The following NEK3 variants were observed in gnomAD, a reference collection of about 807,000 sequenced individuals.
NEK3 encodes serine/threonine-protein kinase Nek3.
A neutral mutation model predicts 66.0 loss-of-function variants in NEK3; 54 were observed. The observed-to-expected ratio is 0.82, with a 90% CI of 0.66 to 1.03. The LOEUF (loss-of-function observed/expected upper bound fraction) is 1.03. Ranked by LOEUF, NEK3 falls within the 50% of genes least tolerant of loss-of-function variation. The pLI is 0.00. For synonymous variants in NEK3, 200 were observed against 206.2 expected (o/e 0.97, Z 0.26); for missense variants, 593 against 603.0 (o/e 0.98, Z 0.17).
intron 5 of NEK3, among the ~76,000 whole-genome samples, chr13:52,152,293 G>A (rs961880977): frequency 3.9e-5 from 6 of 152,180 alleles, no homozygotes; most frequent in African/African-American, 1.4e-4. Flanking sequence ...AGTGCTGAGA[G>A]TAGATCTTAA....
chr13:52,141,041 C>A lies in NEK3; in HGVS notation c.906G>T (p.Leu302Phe). The A allele has an allele frequency of 6.2e-7, 1 of 1,600,278 alleles. No individual in the cohort carries two copies. The highest frequency in any genetic ancestry group is 2.2e-5 in the East Asian group (1 of 44,604). The change falls in exon 11 of 16, where the codon TTG becomes TTT. Residue 302 changes from leucine to phenylalanine, a missense_variant. Physicochemically the swap from Leu to Phe is conservative, Grantham distance 22. Transcript: ENST00000610828. The part of the protein sequence containing the change: ...KTNPSRIRIA[L>F]GNEASTVQEE... ...TTACCACTGTGCTTGCTTCATTTCC[C>A]AAAGCTATCCTGATTCTGCTGGGGT...
intron 14 of NEK3, 137 bp from the exon 15 acceptor site, chr13:52,133,952 C>T: frequency 1.3e-6 from 1 of 787,546 alleles, no homozygotes; most frequent in Non-Finnish European, 2.0e-6. Context: ...TGTCTCCCCA[C>T]ATTACCCAAC....
chr13:52,159,773 G>T (rs1040113801), upstream of NEK3: 4 of 152,268 alleles, frequency 2.6e-5, no homozygotes, highest in African/African-American at 9.6e-5. Flanking sequence ...CCGACTAACT[G>T]AGTTCTGTCT....
At chr13:52,139,572 AT>A (rs1956230701) in intron 11 of NEK3, among the ~76,000 whole-genome samples, 1 of 152,138 alleles carries the variant, frequency 6.6e-6, no homozygotes, top group Non-Finnish European at 1.5e-5. Context: ...AAAATGGCAT[AT>A]TTTATGTTAT....
In NEK3 at chr13:52,141,005, T is replaced by C. The variant is rs1321367229; in HGVS notation, c.927+15A>G. ...ACCGCGCCCGGCCTCATAAAAGTAATTTTAAAGCACTTACCACTGTGCTTG... is the reference window on the plus strand; with the variant it reads ...ACCGCGCCCGGCCTCATAAAAGTAACTTTAAAGCACTTACCACTGTGCTTG... On this transcript the variant is annotated intron_variant, in intron 11 of 15. Transcript: ENST00000610828. 6.3e-7 allele frequency: 1 copy of C among 1,580,814 alleles called. No individual in the cohort carries two copies. Among genetic ancestry groups the C allele is most frequent in the Admixed American group, 1.8e-5 (1 of 54,860 alleles).
chr13:52,145,658 AT>A (rs1279870726), intron 8 of NEK3, among the ~76,000 whole-genome samples: 18 of 152,110 alleles, frequency 1.2e-4, no homozygotes, highest in Admixed American at 2.6e-4. Context: ...CTTTTTAACC[AT>A]TCCTGTCATT....
Position 52,154,131 on chromosome 13 carries a change from A to G in NEK3, c.160T>C (p.Leu54=). The G allele has an allele frequency of 6.2e-7, 1 of 1,611,908 alleles. No homozygotes were observed. The highest frequency in any genetic ancestry group is 8.5e-7 in the Non-Finnish European group (1 of 1,178,744). Residue 54 remains leucine, a synonymous_variant, in exon 3 of 16, where the codon TTA becomes CTA. Transcript: ENST00000610828. The part of the protein sequence containing the change: ...TQNSRKEAVL[L]AKMKHPNIVA... The stretch of plus-strand genomic sequence containing the variant: ...ATATTAGGGTGTTTCATTTTGGCTA[A>G]AAGAACAGCCTCCTTCCTAGAATTC...
intron 6 of NEK3, 21 bp downstream of exon 6, chr13:52,151,304 C>T (rs1247338283): frequency 6.3e-7 from 1 of 1,596,604 alleles, no homozygotes; most frequent in African/African-American, 1.3e-5. Context: ...ACTGTCACTA[C>T]CGTAGAACAG....
chr13:52,147,332 A>C (rs1188227732), intron 8 of NEK3, among the ~76,000 whole-genome samples: 2 of 152,236 alleles, frequency 1.3e-5, no homozygotes, highest in African/African-American at 4.8e-5. Context: ...CCATTTGTTC[A>C]TAACAGCATT....
chr13:52,139,290 C>G (rs1262007888), intron 11 of NEK3, among the ~76,000 whole-genome samples: 1 of 152,078 alleles, frequency 6.6e-6, no homozygotes, highest in Admixed American at 6.6e-5. Flanking sequence ...GTGAAAGAGG[C>G]CAGACATAAA....
rs774133444 is a variant in NEK3, at chr13:52,151,138, G to A, written c.548+8C>T. 6 of 1,599,720 alleles carry A rather than the reference G, an allele frequency of 3.8e-6. No individual in the cohort carries two copies. The highest frequency in any genetic ancestry group is 5.1e-6 in the Non-Finnish European group (6 of 1,172,650). Reference sequence around the variant, plus strand: ...TGGGCACCCTGACATCAAATATGCAGCACTCACCTTTTATTGTTATAAGGC... The same window carrying A: ...TGGGCACCCTGACATCAAATATGCAACACTCACCTTTTATTGTTATAAGGC... On this transcript the variant is annotated splice_region_variant and intron_variant, in intron 7 of 15. Coordinates refer to ENST00000610828, the MANE Select transcript of NEK3 (RefSeq NM_002498.3).
chr13:52,156,251 G>T lies in NEK3; in HGVS notation c.-57-3C>A. ...CAGTCACCATGGGCTCTCCCAAACT[G>T]CATTCAAAAGCAGAAACATTTGAGA... is the stretch of plus-strand genomic sequence containing the variant. On this transcript the variant is annotated splice_region_variant and splice_polypyrimidine_tract_variant and intron_variant, in intron 1 of 15. Transcript: ENST00000610828. 1 of 933,914 alleles carries T rather than the reference G, an allele frequency of 1.1e-6. No individual in the cohort carries two copies. Among genetic ancestry groups the T allele is most frequent in the Non-Finnish European group, 1.7e-6 (1 of 601,146 alleles). 57.9% of individuals were successfully genotyped at this position (933,914 alleles called of 1,614,324 possible).
At chr13:52,139,983 C>G (rs1358805794) in intron 11 of NEK3, among the ~76,000 whole-genome samples, 5 of 146,146 alleles carry the variant, frequency 3.4e-5, no homozygotes, top group Non-Finnish European at 1.5e-5. Flanking sequence ...GGGAGGATCA[C>G]TTGAACACAG....
rs763944007 is a variant in NEK3, at chr13:52,153,940, C to T, written c.264G>A (p.Met88Ile). ...VMEYCDGGDL[M>I]QKIKQQKGKL... is the part of the protein sequence containing the mutation. ...TTCCTTTCTGCTGTTTAATCTTTTG[C>T]ATTAGATCCCCTCCATCACAGTATT... The change falls in exon 4 of 16, where the codon ATG becomes ATA. Residue 88 changes from methionine (M) to isoleucine (I), a missense_variant. Transcript: ENST00000610828. The T allele has an allele frequency of 1.9e-6, 3 of 1,612,748 alleles. No homozygotes were observed. The highest frequency in any genetic ancestry group is 2.2e-5 in the South Asian group (2 of 91,040).
At chr13:52,153,563 A>G (rs1956364800) in intron 4 of NEK3, among the ~76,000 whole-genome samples, 1 of 152,180 alleles carries the variant, frequency 6.6e-6, no homozygotes, top group Non-Finnish European at 1.5e-5. Flanking sequence ...GTAATACAAA[A>G]TAAAATAGAC....
chr13:52,156,941 A>G (rs958375093), intron 1 of NEK3: 2 of 152,244 alleles, frequency 1.3e-5, no homozygotes, highest in Admixed American at 1.3e-4. Flanking sequence ...AGTCCCTGCC[A>G]ACGTGGACAT....
chr13:52,156,171 C>A lies in NEK3; in HGVS notation c.21G>T (p.Leu7=). ...CGAAGGAGCCCTCCCCAATCATTCT[C>A]AGGACCATGTAGTCATCCATGCTGG... The part of the protein sequence containing the change: MDDYMV[L]RMIGEGSFGR... The change falls in exon 2 of 16, where the codon CTG becomes CTT. Residue 7 remains leucine (L), a synonymous_variant. Transcript: ENST00000610828. 6.2e-7 allele frequency: 1 copy of A among 1,600,008 alleles called. No individual in the cohort carries two copies.
chr13:52,133,275 ATCTGTTGATGAGT>A, intron 15 of NEK3, 49 bp from the exon 16 acceptor site: 24 of 1,400,852 alleles, frequency 1.7e-5, no homozygotes, highest in Non-Finnish European at 2.4e-5. Flanking sequence ...GGGGCACAGT[ATCTGTTGATGAGT>A]TCAAAGCGGA....
chr13:52,154,101 C>A lies in NEK3; in HGVS notation c.190G>T (p.Ala64Ser). The A allele has an allele frequency of 6.2e-7, 1 of 1,611,390 alleles. No individual in the cohort carries two copies. The highest frequency in any genetic ancestry group is 8.5e-7 in the Non-Finnish European group (1 of 1,178,184). The change falls in exon 3 of 16, where the codon GCC becomes TCC. Residue 64 changes from alanine to serine, a missense_variant. Coordinates refer to ENST00000610828, the MANE Select transcript of NEK3 (RefSeq NM_002498.3). The stretch of plus-strand genomic sequence containing the variant: ...TTACCTTCAAATGATTCTTTGAAGG[C>A]AACAATATTAGGGTGTTTCATTTTG... ...LAKMKHPNIV[A>S]FKESFEAEGH...
Sources: allele counts gnomAD v4.1 joint callset (sites outside exome capture counted in the v4.1 genomes callset), GRCh38; gene constraint gnomAD v4.1.1; transcripts MANE v1.5; gene names NCBI Gene and HGNC (gene_info 2026-07-23, HGNC 2026-07-21).